Variants in ITSN1 observed in about 807,000 individuals in gnomAD.
The protein encoded by ITSN1 is intersectin-1.
In ITSN1, 58 loss-of-function variants were observed where a neutral mutation model predicts 239.8. The ratio of observed to expected loss-of-function variants is 0.24; its 90% CI spans 0.20 to 0.30. The LOEUF (loss-of-function observed/expected upper bound fraction) is 0.30, where lower values mean the gene tolerates loss of function less well. Ranked by LOEUF, ITSN1 falls within the 10% of genes least tolerant of loss-of-function variation. ITSN1 has a pLI of 1.00. For synonymous variants in ITSN1, 780 were observed against 770.8 expected (o/e 1.01, Z -0.20); for missense variants, 1,558 against 2,103.3 (o/e 0.74, Z 5.07).
At chr21:33,665,988 G>A (rs535375902) in intron 1 of ITSN1, among the ~76,000 whole-genome samples, 1 of 151,816 alleles carries the variant, frequency 6.6e-6, no homozygotes, top group African/African-American at 2.4e-5. Context: ...AAGTGCAGTG[G>A]CATGATCTCA....
At chr21:33,712,205 A>G (rs1320207516) in intron 1 of ITSN1, among the ~76,000 whole-genome samples, 1 of 151,348 alleles carries the variant, frequency 6.6e-6, no homozygotes, top group East Asian at 1.9e-4. Context: ...TTTTTTAAGA[A>G]TTTGTCAGAT....
At chr21:33,829,223 T>C in intron 26 of ITSN1, 1 of 356,468 alleles carries the variant, frequency 2.8e-6, no homozygotes, top group South Asian at 2.2e-5. Context: ...AAGTAGCACT[T>C]TAGCCATTGG....
chr21:33,719,207 G>A (rs371928002), intron 2 of ITSN1, among the ~76,000 whole-genome samples: 4 of 152,164 alleles, frequency 2.6e-5, no homozygotes, highest in Admixed American at 1.3e-4. Flanking sequence ...TTGGGAGGCC[G>A]AGGCTGGTGG....
intron 4 of ITSN1, among the ~76,000 whole-genome samples, chr21:33,733,568 G>T (rs1431426091): frequency 6.6e-6 from 1 of 152,080 alleles, no homozygotes; most frequent in East Asian, 1.9e-4. Context: ...TCAGCAGTCA[G>T]CAGATAAACA....
At chr21:33,685,617 A>T (rs2091200773) in intron 1 of ITSN1, among the ~76,000 whole-genome samples, 2 of 110,912 alleles carry the variant, frequency 1.8e-5, no homozygotes, top group Admixed American at 8.5e-5. Context: ...CTTTTTGAGT[A>T]AAAAAAAAAA....
At chr21:33,841,438 T>C (rs2074819877) in intron 29 of ITSN1, among the ~76,000 whole-genome samples, 1 of 152,210 alleles carries the variant, frequency 6.6e-6, no homozygotes, top group Admixed American at 6.5e-5. Flanking sequence ...CCGGTGACTA[T>C]AGAAAACACC....
In ITSN1 at chr21:33,836,386, C is replaced by T. The variant is rs1258536641; in HGVS notation, c.3470-55C>T. On this transcript the variant is annotated intron_variant, in intron 28 of 39. Transcript: ENST00000381318. The stretch of plus-strand genomic sequence containing the variant: ...GAATGTTGAATGGCTGCGCGGTACC[C>T]GTTGTGCATTCTCCGGCGGGTGTGC... The T allele has an allele frequency of 6.7e-6, 9 of 1,349,076 alleles. No individual in the cohort carries two copies. The African/African-American group carries it at 8.8e-5, about 13-fold the overall frequency. The allele number at this position is 1,349,076 out of a possible 1,614,324, so 83.6% of individuals were successfully genotyped here.
At chr21:33,884,570 A>G (rs1262967805) in intron 36 of ITSN1, among the ~76,000 whole-genome samples, 4 of 152,210 alleles carry the variant, frequency 2.6e-5, no homozygotes, top group Admixed American at 2.6e-4. Flanking sequence ...TCTCAGAAAA[A>G]ATGAAGGAGA....
intron 27 of ITSN1, among the ~76,000 whole-genome samples, chr21:33,833,298 A>G (rs2074401205): frequency 6.6e-6 from 1 of 152,190 alleles, no homozygotes; most frequent in African/African-American, 2.4e-5. Context: ...ATGGCGGTGA[A>G]AAATGTGGCT....
In ITSN1 at chr21:33,856,864, G is replaced by C; in HGVS notation, c.3783+7G>C. On this transcript the variant is annotated splice_region_variant and intron_variant, in intron 30 of 39. Transcript: ENST00000381318. ...CCTGCAGCTGGTCACAGAGGTAAGG[G>C]AGCTGGTGGGGCAGGGGGCACGGCA... The C allele has an allele frequency of 6.2e-7, 1 of 1,613,970 alleles. No homozygotes were observed. The highest frequency in any genetic ancestry group is 8.5e-7 in the Non-Finnish European group (1 of 1,179,888).
chr21:33,694,634 A>G (rs1055448464), intron 1 of ITSN1, among the ~76,000 whole-genome samples: 8 of 152,132 alleles, frequency 5.3e-5, no homozygotes, highest in African/African-American at 1.9e-4. Flanking sequence ...CAGCCTGGCC[A>G]ACATGGCGAA....
intron 17 of ITSN1, 132 bp downstream of exon 17, chr21:33,794,600 G>A (rs2071391610): frequency 8.1e-7 from 1 of 1,237,424 alleles, no homozygotes; most frequent in East Asian, 2.4e-5. Context: ...AAGTGTGAGT[G>A]CAAACACAAA....
chr21:33,764,735 A>G (rs1015003575), intron 9 of ITSN1, among the ~76,000 whole-genome samples: 2 of 152,254 alleles, frequency 1.3e-5, no homozygotes, highest in Admixed American at 6.5e-5. Flanking sequence ...TGGCAAAACC[A>G]GTTTCCCATT....
chr21:33,759,191 A>G (rs2068121904), intron 8 of ITSN1, among the ~76,000 whole-genome samples: 1 of 152,220 alleles, frequency 6.6e-6, no homozygotes, highest in Admixed American at 6.5e-5. Context: ...TGCTTATATC[A>G]GTGGATATGG....
intron 1 of ITSN1, among the ~76,000 whole-genome samples, chr21:33,710,207 T>C (rs2092375326): frequency 6.6e-6 from 1 of 151,620 alleles, no homozygotes; most frequent in African/African-American, 2.4e-5. Context: ...GCTTCCCGAG[T>C]AGCTGGGACT....
chr21:33,880,971 G>A (rs953637742), intron 34 of ITSN1, among the ~76,000 whole-genome samples: 4 of 152,056 alleles, frequency 2.6e-5, no homozygotes, highest in Non-Finnish European at 4.4e-5. Flanking sequence ...TGTTAGAGCC[G>A]CGTTTCAGCG....
chr21:33,857,244 G>A (rs1979525135), intron 30 of ITSN1, among the ~76,000 whole-genome samples: 1 of 152,150 alleles, frequency 6.6e-6, no homozygotes, highest in South Asian at 2.1e-4. Context: ...TTGGCATCTG[G>A]AAATGGGGGG....
At chr21:33,709,453 T>C (rs1415564985) in intron 1 of ITSN1, among the ~76,000 whole-genome samples, 1 of 152,094 alleles carries the variant, frequency 6.6e-6, no homozygotes, top group Non-Finnish European at 1.5e-5. Context: ...TACGGGCATG[T>C]GCCACCATGC....
rs760109598 is a variant in ITSN1, at chr21:33,774,888, G to T, written c.1455+10G>T. 1 of 1,608,490 alleles carries T rather than the reference G, an allele frequency of 6.2e-7. No homozygotes were observed. The highest frequency in any genetic ancestry group is 8.5e-7 in the Non-Finnish European group (1 of 1,178,250). ...TGAATTAGAAGCTCTAGTGAGTGAA[G>T]TTTGGTTATACTTTGAAAATATACT... On this transcript the variant is annotated intron_variant, in intron 13 of 39. Coordinates refer to ENST00000381318, the MANE Select transcript of ITSN1 (RefSeq NM_003024.3).
Sources: allele counts gnomAD v4.1 joint callset (sites outside exome capture counted in the v4.1 genomes callset), GRCh38; gene constraint gnomAD v4.1.1; transcripts MANE v1.5; gene names NCBI Gene and HGNC (gene_info 2026-07-23, HGNC 2026-07-21).